PAPPA2: variants seen among roughly 807,000 people sequenced by gnomAD.
The protein encoded by PAPPA2 is pappalysin-2.
Under a neutral mutation model 176.4 loss-of-function variants are expected in PAPPA2, and 86 were observed. The ratio of observed to expected loss-of-function variants is 0.49; its 90% CI spans 0.41 to 0.58. PAPPA2 has a LOEUF of 0.58. Among genes scored for constraint, PAPPA2 ranks in the 20% least tolerant of loss-of-function variants. The pLI is 0.00. For missense variants in PAPPA2, 2,073 were observed against 2,256.9 expected (o/e 0.92, Z 1.65); for synonymous variants, 809 against 852.2 (o/e 0.95, Z 0.88).
intron 21 of PAPPA2, among the ~76,000 whole-genome samples, chr1:176,829,982 T>C (rs1667021370): frequency 6.6e-6 from 1 of 152,242 alleles, no homozygotes; most frequent in African/African-American, 2.4e-5. Flanking sequence ...TGAATGAGCC[T>C]ATGACTGGAA....
At chr1:176,695,005 G>T (rs1660303287) in intron 6 of PAPPA2, among the ~76,000 whole-genome samples, 1 of 152,216 alleles carries the variant, frequency 6.6e-6, no homozygotes, top group South Asian at 2.1e-4. Flanking sequence ...GTTTACATTT[G>T]AATGGTTCTT....
chr1:176,538,119 A>G (rs1650169017), intron 1 of PAPPA2, among the ~76,000 whole-genome samples: 1 of 152,088 alleles, frequency 6.6e-6, no homozygotes, highest in Non-Finnish European at 1.5e-5. Flanking sequence ...TTTTGACCTC[A>G]TGATTTCTCA....
intron 1 of PAPPA2, among the ~76,000 whole-genome samples, chr1:176,490,828 G>C (rs1647247524): frequency 6.6e-6 from 1 of 152,168 alleles, no homozygotes; most frequent in African/African-American, 2.4e-5. Flanking sequence ...TGTGGTAGGA[G>C]CCCACAGTCT....
At chr1:176,771,617 G>T (rs1055242002) in intron 17 of PAPPA2, among the ~76,000 whole-genome samples, 1 of 152,154 alleles carries the variant, frequency 6.6e-6, no homozygotes, top group African/African-American at 2.4e-5. Flanking sequence ...GCCAGTTAGG[G>T]CTGAGGTAGG....
chr1:176,827,557 T>G (rs1478068917), intron 21 of PAPPA2, among the ~76,000 whole-genome samples: 2 of 152,190 alleles, frequency 1.3e-5, no homozygotes, highest in Non-Finnish European at 2.9e-5. Context: ...GCAGGTCCTC[T>G]TTCTGCACTG....
At chr1:176,475,620 T>C (rs1443554364) in intron 1 of PAPPA2, among the ~76,000 whole-genome samples, 1 of 152,238 alleles carries the variant, frequency 6.6e-6, no homozygotes, top group African/African-American at 2.4e-5. Context: ...ATATTTACTT[T>C]CTAAAAATCC....
At chr1:176,488,186 A>C (rs12125790) in intron 1 of PAPPA2, among the ~76,000 whole-genome samples, 16 of 151,874 alleles carry the variant, frequency 1.1e-4, no homozygotes, top group Non-Finnish European at 2.2e-4. Flanking sequence ...CCTTGTTTTT[A>C]TTTTTTATTT....
chr1:176,679,339 T>G (rs1281998443), intron 4 of PAPPA2, among the ~76,000 whole-genome samples: 3 of 152,088 alleles, frequency 2.0e-5, no homozygotes, highest in Non-Finnish European at 2.9e-5. Context: ...TCTCCTAAGA[T>G]CTACATCCAT....
At chr1:176,604,059 C>G (rs188766582) in intron 3 of PAPPA2, among the ~76,000 whole-genome samples, 2 of 152,302 alleles carry the variant, frequency 1.3e-5, no homozygotes, top group Admixed American at 6.5e-5. Flanking sequence ...AGATGTACTC[C>G]TACTGCATGA....
At chr1:176,819,948 G>T (rs527516026) in intron 21 of PAPPA2, among the ~76,000 whole-genome samples, 41 of 152,010 alleles carry the variant, frequency 2.7e-4, no homozygotes, top group Non-Finnish European at 4.9e-4. Flanking sequence ...CCAGATCTGG[G>T]GCTTCCTAGT....
intron 14 of PAPPA2, among the ~76,000 whole-genome samples, chr1:176,759,051 A>T (rs1395394260): frequency 2.0e-5 from 3 of 152,228 alleles, no homozygotes; most frequent in Non-Finnish European, 4.4e-5. Context: ...TTGGTCTACT[A>T]CTTTCTTCAT....
At chr1:176,525,218 G>T (rs1438072222) in intron 1 of PAPPA2, among the ~76,000 whole-genome samples, 9 of 152,166 alleles carry the variant, frequency 5.9e-5, no homozygotes, top group Admixed American at 5.2e-4. Flanking sequence ...CTTGCTGATG[G>T]ATTGGCTGAA....
chr1:176,602,754 G>A (rs1379791671), intron 3 of PAPPA2, among the ~76,000 whole-genome samples: 1 of 152,092 alleles, frequency 6.6e-6, no homozygotes, highest in Non-Finnish European at 1.5e-5. Context: ...AAATTCACAG[G>A]CAGTGTGAAC....
At chr1:176,493,159 G>A (rs1647385714) in intron 1 of PAPPA2, among the ~76,000 whole-genome samples, 1 of 152,192 alleles carries the variant, frequency 6.6e-6, no homozygotes. Context: ...ATGGTGGAGT[G>A]TGGAATCATG....
intron 2 of PAPPA2, among the ~76,000 whole-genome samples, chr1:176,559,990 C>T (rs1651567025): frequency 6.6e-6 from 1 of 152,236 alleles, no homozygotes; most frequent in Admixed American, 6.5e-5. Flanking sequence ...ATACTTTCTA[C>T]ACGGAACACT....
At chr1:176,624,667 T>C (rs748778073) in intron 3 of PAPPA2, among the ~76,000 whole-genome samples, 8 of 152,186 alleles carry the variant, frequency 5.3e-5, no homozygotes, top group South Asian at 2.1e-4. Flanking sequence ...GTTTTTATCC[T>C]CTATTTGATA....
At chr1:176,779,386 A>C (rs1000315455) in intron 17 of PAPPA2, among the ~76,000 whole-genome samples, 1 of 151,614 alleles carries the variant, frequency 6.6e-6, no homozygotes, top group Non-Finnish European at 1.5e-5. Context: ...TGATTCATAA[A>C]CTGTCTCCTG....
At chr1:176,719,908 C>T (rs1252122495) in intron 12 of PAPPA2, among the ~76,000 whole-genome samples, 2 of 152,150 alleles carry the variant, frequency 1.3e-5, no homozygotes, top group African/African-American at 2.4e-5. Context: ...AATGAAATAA[C>T]AGATACCCAG....
At chr1:176,677,461 A>G (rs570975305) in intron 4 of PAPPA2, among the ~76,000 whole-genome samples, 7 of 152,320 alleles carry the variant, frequency 4.6e-5, no homozygotes, top group African/African-American at 1.4e-4. Context: ...TGTGCTTTCA[A>G]TGCTGTGTTA....
Sources: allele counts gnomAD v4.1 joint callset (sites outside exome capture counted in the v4.1 genomes callset), GRCh38; gene constraint gnomAD v4.1.1; transcripts MANE v1.5; gene names NCBI Gene and HGNC (gene_info 2026-07-23, HGNC 2026-07-21).